NFKBIZ: variants seen among roughly 807,000 people sequenced by gnomAD.
NFKBIZ encodes the protein NF-kappa-B inhibitor zeta.
Under a neutral mutation model 76.8 loss-of-function variants are expected in NFKBIZ, and 19 were observed. The ratio of observed to expected loss-of-function variants is 0.25; its 90% CI spans 0.17 to 0.36. The LOEUF is 0.36. NFKBIZ is among the 10% of genes least tolerant of loss of function. NFKBIZ has a pLI of 1.00. For synonymous variants in NFKBIZ, 368 were observed against 354.8 expected (o/e 1.04, Z -0.42); for missense variants, 829 against 910.9 (o/e 0.91, Z 1.16).
upstream of NFKBIZ, chr3:101,849,315 TGGGCGGAGCCGGGC>T (rs1278709019): frequency 3.6e-5 from 9 of 246,584 alleles, no homozygotes; most frequent in Non-Finnish European, 1.5e-5. Context: ...CCGGTCGGTC[TGGGCGGAGCCGGGC>T]GGGCGGGGCG....
rs1576817319 is a variant in NFKBIZ at position 101,854,623 on chromosome 3, T to C, written c.1383T>C (p.Tyr461=). 6.2e-7 allele frequency: 1 copy of C among 1,614,036 alleles called. No homozygotes were observed. The highest frequency in any genetic ancestry group is 8.5e-7 in the Non-Finnish European group (1 of 1,179,986). Residue 461 remains tyrosine, a synonymous_variant, in exon 6 of 12, where the codon TAT becomes TAC. Coordinates refer to ENST00000326172, the MANE Select transcript of NFKBIZ (RefSeq NM_031419.4). ...AVAQGRRALS[Y]VLARKMNALH... ...CCCAAGGGAGAAGGGCACTTTCCTA[T>C]GTTCTTGCAAGAAAGATGAATGCAC...
At chr3:101,831,990 C>A (rs1942654083) in intron 2 of NFKBIZ, among the ~76,000 whole-genome samples, 1 of 152,096 alleles carries the variant, frequency 6.6e-6, no homozygotes. Context: ...CTCACTGTGT[C>A]CTCTACCTTC....
rs1444392575 is a variant in NFKBIZ, at chr3:101,860,650, A to G, written c.*1279A>G. On this transcript the variant is annotated 3_prime_UTR_variant, in exon 12 of 12. Transcript: ENST00000326172. ...TGATGATAATGTGCCATGATGTTTTATATATATCATTCAGAAAAAGTTTTA... is the reference window on the plus strand; with the variant it reads ...TGATGATAATGTGCCATGATGTTTTGTATATATCATTCAGAAAAAGTTTTA... The G allele has an allele frequency of 6.6e-6, 1 of 152,112 alleles. No individual in the cohort carries two copies. Among genetic ancestry groups the G allele is most frequent in the Non-Finnish European group, 1.5e-5 (1 of 68,020 alleles). The allele number at this position is 152,112 out of a possible 1,614,324, so 9.4% of individuals were successfully genotyped here.
chr3:101,850,740 C>T lies in NFKBIZ; in HGVS notation c.289+823C>T, dbSNP rs141036400. ...ACGTCTCTTTCCGGTGTTTCCCACTCTTAGCCACTCCTGTTTTGGTTGTCA... is the reference window on the plus strand; with the variant it reads ...ACGTCTCTTTCCGGTGTTTCCCACTTTTAGCCACTCCTGTTTTGGTTGTCA... On this transcript the variant is annotated intron_variant, in intron 1 of 11. Transcript: ENST00000326172. Among the ~76,000 whole-genome samples, 167 of 152,330 alleles carry T rather than the reference C, an allele frequency of 1.1e-3. 1 individual carries two copies. Among genetic ancestry groups the T allele is most frequent in the African/African-American group, 3.8e-3 (160 of 41,576 alleles).
In NFKBIZ at chr3:101,859,314, C is replaced by A. The variant is rs1943101807; in HGVS notation, c.2104-4C>A. On this transcript the variant is annotated splice_polypyrimidine_tract_variant and splice_region_variant and intron_variant, in intron 11 of 11. Coordinates refer to ENST00000326172, the MANE Select transcript of NFKBIZ (RefSeq NM_031419.4). ...CTCACAAATTTTATTTGTTTCTCTTCCAGATCCGACGTATCCTGAAGGGAA... is the reference window on the plus strand; with the variant it reads ...CTCACAAATTTTATTTGTTTCTCTTACAGATCCGACGTATCCTGAAGGGAA... 1.2e-6 allele frequency: 2 copies of A among 1,613,034 alleles called. No individual in the cohort carries two copies. Among genetic ancestry groups the A allele is most frequent in the African/African-American group, 2.7e-5 (2 of 74,902 alleles).
intron 11 of NFKBIZ, chr3:101,858,335 A>G: frequency 1.0e-6 from 1 of 967,480 alleles, no homozygotes; most frequent in Non-Finnish European, 1.2e-6. Flanking sequence ...TTTCATGTAT[A>G]TCATTTAATA....
chr3:101,852,234 ATT>A lies in NFKBIZ; in HGVS notation c.429+14_429+15del. 5 of 1,613,272 alleles carry A rather than the reference ATT, an allele frequency of 3.1e-6. No homozygotes were observed. The highest frequency in any genetic ancestry group is 4.2e-6 in the Non-Finnish European group (5 of 1,179,662). ...TGTGGATGATTTTAAGGTGACATCT[ATT>A]TTTCTGTTTTGAGTATAGAGTTGGG... is the stretch of plus-strand genomic sequence containing the variant. On this transcript the variant is annotated intron_variant, in intron 2 of 11. Coordinates refer to ENST00000326172, the MANE Select transcript of NFKBIZ (RefSeq NM_031419.4).
At chr3:101,847,034 A>T (rs1942861253), upstream of NFKBIZ, among the ~76,000 whole-genome samples, 1 of 152,264 alleles carries the variant, frequency 6.6e-6, no homozygotes, top group African/African-American at 2.4e-5. Flanking sequence ...CCAGCTCAAG[A>T]AGATAGCTTC....
chr3:101,853,440 A>G lies in NFKBIZ; in HGVS notation c.914A>G (p.Lys305Arg), dbSNP rs184488416. 1.3e-4 allele frequency: 203 copies of G among 1,614,012 alleles called. No homozygotes were observed. The highest frequency in any genetic ancestry group is 1.6e-4 in the Middle Eastern group (1 of 6,062). ...GAGCAGCAGCCACACTACACCCACA[A>G]ACCAACTCTGGAATACAGTCCTTTT... ...HVEQQPHYTH[K>R]PTLEYSPFPI... The change falls in exon 5 of 12, where the codon AAA becomes AGA. Residue 305 changes from lysine to arginine, a missense_variant. Around this residue, in one of 4 missense-constraint regions of NFKBIZ, gnomAD observed 371 missense variants for 332.3 expected, o/e 1.12. Transcript: ENST00000326172.
chr3:101,834,510 G>A (rs188438300), intron 2 of NFKBIZ, among the ~76,000 whole-genome samples: 9 of 152,132 alleles, frequency 5.9e-5, no homozygotes, highest in Non-Finnish European at 8.8e-5. Flanking sequence ...ACAGGCACCC[G>A]CCACCACGCC....
chr3:101,848,203 G>A (rs975597302), upstream of NFKBIZ, among the ~76,000 whole-genome samples: 2 of 152,132 alleles, frequency 1.3e-5, no homozygotes, highest in Non-Finnish European at 2.9e-5. Flanking sequence ...TTTTCTCAAT[G>A]TTTATTAAAT....
chr3:101,833,101 G>C lies in NFKBIZ; in HGVS notation c.-12+3413G>C, dbSNP rs181607931. On this transcript the variant is annotated intron_variant, in intron 2 of 12. Transcript: ENST00000394054. ...TGCACACACTTATGAAGATGTGCATGGTTGAGAATAACTCCTATGAGAATC... is the reference window on the plus strand; with the variant it reads ...TGCACACACTTATGAAGATGTGCATCGTTGAGAATAACTCCTATGAGAATC... Among the ~76,000 whole-genome samples the C allele has an allele frequency of 7.2e-5, 11 of 152,302 alleles. No individual in the cohort carries two copies. The East Asian group carries it at 2.1e-3, about 29-fold the overall frequency.
chr3:101,850,141 G>T, intron 1 of NFKBIZ: 1 of 423,884 alleles, frequency 2.4e-6, no homozygotes, highest in Non-Finnish European at 4.1e-6. Context: ...GGGCCTCGGG[G>T]GGGCTTCAGA....
In NFKBIZ at chr3:101,853,122, G is replaced by A. The variant is rs751995949; in HGVS notation, c.596G>A (p.Ser199Asn). 9.3e-6 allele frequency: 15 copies of A among 1,613,984 alleles called. No individual in the cohort carries two copies. The highest frequency in any genetic ancestry group is 3.3e-5 in the Admixed American group (2 of 59,976). The change falls in exon 5 of 12, where the codon AGC becomes AAC. Residue 199 changes from serine to asparagine, a missense_variant. Physicochemically the swap from Ser to Asn is conservative, Grantham distance 46. This residue lies in a region of NFKBIZ where 371 missense variants were observed against 332.3 expected (regional missense o/e 1.12). Coordinates refer to ENST00000326172, the MANE Select transcript of NFKBIZ (RefSeq NM_031419.4). ...CCTCAAACACCAACGCCCGGGGAGA[G>A]CATGGAAGATGTTCATCTCAATGAA... ...TPPQTPTPGE[S>N]MEDVHLNEPK...
At chr3:101,855,251 GA>G in intron 7 of NFKBIZ, 43 bp downstream of exon 7, 2 of 1,600,866 alleles carry the variant, frequency 1.2e-6, no homozygotes, top group South Asian at 1.1e-5. Flanking sequence ...CAAGGCCAGA[GA>G]GATAGAGTTG....
intron 2 of NFKBIZ, among the ~76,000 whole-genome samples, chr3:101,843,511 C>G (rs1204156264): frequency 6.6e-6 from 1 of 152,118 alleles, no homozygotes; most frequent in East Asian, 1.9e-4. Context: ...GTCTCATACA[C>G]AAATGTAGTT....
chr3:101,836,332 T>G (rs1942719892), intron 2 of NFKBIZ, among the ~76,000 whole-genome samples: 1 of 152,186 alleles, frequency 6.6e-6, no homozygotes, highest in South Asian at 2.1e-4. Context: ...TCACACTGGT[T>G]TGGAGGATAG....
intron 1 of NFKBIZ, among the ~76,000 whole-genome samples, chr3:101,850,845 C>G (rs560844911): frequency 6.6e-6 from 1 of 152,362 alleles, no homozygotes; most frequent in South Asian, 2.1e-4. Flanking sequence ...CACTGCGTAG[C>G]AGATCCAGAA....
At chr3:101,854,501 ATTT>A (rs34931768) in intron 5 of NFKBIZ, 74 bp from the exon 6 acceptor site, 40 of 688,900 alleles carry the variant, frequency 5.8e-5, no homozygotes, top group East Asian at 1.2e-4. Context: ...CTAAAGGAAG[ATTT>A]TTTTTTTTTT....
Sources: gnomAD v4.1 joint callset for allele counts (sites outside exome capture counted in the v4.1 genomes callset) on GRCh38, gnomAD v4.1.1 for gene constraint, gnomAD v4.1.1 regional missense constraint, MANE v1.5 for transcripts, NCBI Gene and HGNC (gene_info 2026-07-23, HGNC 2026-07-21) for gene names.